Variants in DYM observed in about 807,000 individuals in gnomAD.
The protein encoded by DYM is dyggve-Melchior-Clausen syndrome protein.
A neutral mutation model predicts 93.1 loss-of-function variants in DYM; 78 were observed. That is an observed-to-expected ratio of 0.84 (90% CI 0.70 to 1.01). The LOEUF (loss-of-function observed/expected upper bound fraction) is 1.01. Among genes scored for constraint, DYM ranks in the 50% least tolerant of loss-of-function variants. DYM has a pLI of 0.00. For missense variants in DYM, 789 were observed against 845.0 expected (o/e 0.93, Z 0.82); for synonymous variants, 321 against 319.7 (o/e 1.00, Z -0.04).
chr18:49,087,282 A>G (rs577663649), intron 17 of DYM, among the ~76,000 whole-genome samples: 1 of 152,344 alleles, frequency 6.6e-6, no homozygotes, highest in Non-Finnish European at 1.5e-5. Context: ...AAAATTAGAT[A>G]TTTATCACTT....
intron 1 of DYM, among the ~76,000 whole-genome samples, chr18:49,437,662 G>C (rs1007603151): frequency 6.6e-6 from 1 of 152,146 alleles, no homozygotes; most frequent in Non-Finnish European, 1.5e-5. Flanking sequence ...CTTCTACAGA[G>C]GTTGTACCAA....
intron 8 of DYM, among the ~76,000 whole-genome samples, chr18:49,289,770 T>TACAC (rs3061685): frequency 2.3e-5 from 1 of 42,708 alleles, no homozygotes; most frequent in African/African-American, 1.0e-4. Flanking sequence ...TATATATATA[T>TACAC]ATACACATAT....
At chr18:49,054,115 G>C (rs2075266819) in intron 17 of DYM, among the ~76,000 whole-genome samples, 1 of 152,170 alleles carries the variant, frequency 6.6e-6, no homozygotes, top group Admixed American at 6.5e-5. Context: ...AAGTGTAATG[G>C]AGGGAGTGAC....
At chr18:49,121,080 C>T (rs2082335115) in intron 15 of DYM, among the ~76,000 whole-genome samples, 1 of 152,038 alleles carries the variant, frequency 6.6e-6, no homozygotes, top group Non-Finnish European at 1.5e-5. Context: ...AAGTCATCAG[C>T]AGAATATGAC....
At chr18:49,409,708 T>TA (rs1314382875) in intron 2 of DYM, among the ~76,000 whole-genome samples, 1 of 152,180 alleles carries the variant, frequency 6.6e-6, no homozygotes, top group Non-Finnish European at 1.5e-5. Context: ...GTTTCCACAA[T>TA]AAAAATAAAT....
intron 17 of DYM, among the ~76,000 whole-genome samples, chr18:49,064,005 A>C (rs1221391629): frequency 6.6e-6 from 1 of 152,158 alleles, no homozygotes; most frequent in African/African-American, 2.4e-5. Context: ...ATTGGGAAAA[A>C]ATCTGAATAC....
chr18:49,117,403 T>C (rs1319772582), intron 16 of DYM, among the ~76,000 whole-genome samples: 1 of 152,178 alleles, frequency 6.6e-6, no homozygotes, highest in East Asian at 1.9e-4. Flanking sequence ...TAGGTTAAAC[T>C]CACATTTAAT....
chr18:49,387,286 T>C (rs2068726275), intron 3 of DYM, among the ~76,000 whole-genome samples: 1 of 149,542 alleles, frequency 6.7e-6, no homozygotes, highest in Non-Finnish European at 1.5e-5. Context: ...TCTCGTTTGT[T>C]TGTTTTTTGT....
At chr18:49,340,518 A>C (rs995028387) in intron 6 of DYM, among the ~76,000 whole-genome samples, 2 of 152,208 alleles carry the variant, frequency 1.3e-5, no homozygotes, top group African/African-American at 4.8e-5. Flanking sequence ...AAAAGAGAAT[A>C]AATGAATGGA....
intron 16 of DYM, among the ~76,000 whole-genome samples, chr18:49,104,128 A>G (rs996070210): frequency 1.3e-5 from 2 of 152,116 alleles, no homozygotes; most frequent in East Asian, 1.9e-4. Context: ...GATCCTTCAC[A>G]TCCCTTGTAA....
At chr18:49,216,814 C>CA (rs561107231) in intron 13 of DYM, among the ~76,000 whole-genome samples, 104 of 152,144 alleles carry the variant, frequency 6.8e-4, no homozygotes, top group African/African-American at 2.4e-3. Flanking sequence ...AAAAACAGAG[C>CA]AAAAAAACTG....
chr18:49,144,116 T>TGTA (rs2144531066), intron 15 of DYM, among the ~76,000 whole-genome samples: 1 of 152,268 alleles, frequency 6.6e-6, no homozygotes, highest in Admixed American at 6.5e-5. Context: ...ATCTCTATGG[T>TGTA]GTAATTGGTC....
At chr18:49,132,504 T>C (rs1179501723) in intron 15 of DYM, among the ~76,000 whole-genome samples, 1 of 152,080 alleles carries the variant, frequency 6.6e-6, no homozygotes, top group African/African-American at 2.4e-5. Flanking sequence ...GTTCATATGG[T>C]TTTATGAGTA....
At chr18:49,106,697 T>G (rs1216516665) in intron 16 of DYM, among the ~76,000 whole-genome samples, 3 of 152,216 alleles carry the variant, frequency 2.0e-5, no homozygotes, top group African/African-American at 7.2e-5. Context: ...AATTCTGGGT[T>G]GAAAATTCTT....
chr18:49,037,455 T>G lies in DYM; in HGVS notation c.*6600A>C, dbSNP rs2070746922. On this transcript the variant is annotated 3_prime_UTR_variant, in exon 18 of 18. Transcript: ENST00000675505. ...GAAGGGAAGGAGAGAGGGAAGCAAG[T>G]GCTGAAAAACTTTCTATTGGGTACT... Among the ~76,000 whole-genome samples the G allele has an allele frequency of 6.6e-6, 1 of 152,136 alleles. No individual in the cohort carries two copies. The highest frequency in any genetic ancestry group is 6.6e-5 in the Admixed American group (1 of 15,264).
intron 14 of DYM, among the ~76,000 whole-genome samples, chr18:49,201,790 T>C (rs1258276424): frequency 1.3e-5 from 2 of 152,250 alleles, no homozygotes; most frequent in Admixed American, 6.5e-5. Flanking sequence ...GATAATCCTG[T>C]TTCAGACTAC....
intron 8 of DYM, among the ~76,000 whole-genome samples, chr18:49,330,877 C>T (rs1417736179): frequency 6.6e-6 from 1 of 152,144 alleles, no homozygotes; most frequent in Non-Finnish European, 1.5e-5. Flanking sequence ...AAGTGTGACT[C>T]AATTCATAAT....
intron 1 of DYM, chr18:49,431,950 A>T (rs577073510): frequency 6.6e-6 from 1 of 152,274 alleles, no homozygotes; most frequent in Non-Finnish European, 1.5e-5. Context: ...AGGGGCCCCA[A>T]TAACTCAATT....
intron 17 of DYM, among the ~76,000 whole-genome samples, chr18:49,077,604 A>G (rs1332305928): frequency 6.6e-6 from 1 of 152,222 alleles, no homozygotes; most frequent in Non-Finnish European, 1.5e-5. Context: ...TCTCCAACAC[A>G]GTGGAGTTGT....
Sources: allele counts gnomAD v4.1 joint callset (sites outside exome capture counted in the v4.1 genomes callset), GRCh38; gene constraint gnomAD v4.1.1; transcripts MANE v1.5; gene names NCBI Gene and HGNC (gene_info 2026-07-23, HGNC 2026-07-21).